The following DST variants were observed in gnomAD, a reference collection of about 807,000 sequenced individuals.
The protein encoded by DST is dystonin, also known as bullous pemphigoid antigen.
Under a neutral mutation model 875.2 loss-of-function variants are expected in DST, and 253 were observed. The ratio of observed to expected loss-of-function variants is 0.29; its 90% CI spans 0.26 to 0.32. The LOEUF (loss-of-function observed/expected upper bound fraction) is 0.32. Ranked by LOEUF, DST falls within the 10% of genes least tolerant of loss-of-function variation. DST has a pLI of 1.00. For missense variants in DST, 8,287 were observed against 9,111.6 expected (o/e 0.91, Z 3.68); for synonymous variants, 3,124 against 3,197.1 (o/e 0.98, Z 0.77).
rs1220051874 is a variant in DST at position 56,693,388 on chromosome 6, C to G, written c.1047+6265G>C. 7.2e-6 allele frequency: 8 copies of G among 1,115,928 alleles called. No homozygotes were observed. In the South Asian group the frequency reaches 1.8e-4, roughly 26 times the overall value. 69.1% of individuals were successfully genotyped at this position (1,115,928 alleles called of 1,614,324 possible). ...GACACTGTGGCTTATTTCTGGCCAC[C>G]AATCCTCTTAGACAAACATTACTGC... On this transcript the variant is annotated intron_variant, in intron 9 of 103. Coordinates refer to ENST00000680361, the MANE Select transcript of DST (RefSeq NM_001374736.1).
intron 90 of DST, among the ~76,000 whole-genome samples, chr6:56,481,848 C>T (rs1021396312): frequency 1.3e-5 from 2 of 152,098 alleles, no homozygotes; most frequent in African/African-American, 2.4e-5. Flanking sequence ...CATCAAAAGA[C>T]AGGTACACAT....
chr6:56,796,280 G>T (rs1258827812), intron 4 of DST, among the ~76,000 whole-genome samples: 1 of 152,216 alleles, frequency 6.6e-6, no homozygotes, highest in African/African-American at 2.4e-5. Context: ...AACAAGGAAA[G>T]TCATGCAAGA....
intron 31 of DST, 86 bp downstream of exon 31, chr6:56,630,159 T>G: frequency 9.7e-7 from 1 of 1,035,600 alleles, no homozygotes; most frequent in Non-Finnish European, 1.5e-6. Context: ...TCCAAGATAT[T>G]TAACACTTGA....
chr6:56,933,522 C>G (rs2127766915), intron 2 of DST, among the ~76,000 whole-genome samples: 1 of 152,238 alleles, frequency 6.6e-6, no homozygotes, highest in South Asian at 2.1e-4. Context: ...GAGCAGGCCC[C>G]AGTTAGTTCA....
chr6:56,566,772 CCTTA>C (rs1328401849), intron 55 of DST, among the ~76,000 whole-genome samples: 7 of 152,188 alleles, frequency 4.6e-5, no homozygotes, highest in Non-Finnish European at 7.4e-5. Context: ...AGAGCATCTG[CCTTA>C]CTTAAAGATT....
intron 4 of DST, among the ~76,000 whole-genome samples, chr6:56,847,111 A>G (rs551560969): frequency 6.6e-6 from 1 of 151,958 alleles, no homozygotes; most frequent in South Asian, 2.1e-4. Flanking sequence ...TGAGCCCAGG[A>G]GTTCGAGTCC....
At position 56,572,755 on chromosome 6, in the gene DST, A is replaced by C; in HGVS notation, c.13546T>G (p.Tyr4516Asp). The C allele has an allele frequency of 1.3e-6, 2 of 1,590,070 alleles. No individual in the cohort carries two copies. The highest frequency in any genetic ancestry group is 1.7e-6 in the Non-Finnish European group (2 of 1,169,686). ...PGKDVTELSQ[Y>D]MQESTSEFLE... ...TAGTAAGGGAGGCATACCTGCATAT[A>C]CTGAGACAATTCAGTAACATCTTTT... The change falls in exon 52 of 104, where the codon TAT becomes GAT. Residue 4516 changes from tyrosine to aspartate, a missense_variant. By Grantham distance (160) the Tyr-to-Asp change is radical. This residue lies in a region of DST where 1,513 missense variants were observed against 1,677.8 expected (regional missense o/e 0.90). Coordinates refer to ENST00000680361, the MANE Select transcript of DST (RefSeq NM_001374736.1).
intron 97 of DST, among the ~76,000 whole-genome samples, chr6:56,469,409 G>C (rs1329260830): frequency 6.6e-6 from 1 of 151,512 alleles, no homozygotes. Context: ...CTGTTTTGAA[G>C]AGAGTGAACC....
chr6:56,759,756 C>G (rs532935530), intron 4 of DST, among the ~76,000 whole-genome samples: 2 of 152,232 alleles, frequency 1.3e-5, no homozygotes, highest in East Asian at 3.9e-4. Context: ...ACAAAGAGTT[C>G]CAGAGGCGCG....
At chr6:56,470,572 T>C (rs950673458) in intron 95 of DST, among the ~76,000 whole-genome samples, 3 of 152,122 alleles carry the variant, frequency 2.0e-5, no homozygotes, top group South Asian at 2.1e-4. Flanking sequence ...GAATAAATTA[T>C]ATGAAATTTA....
intron 4 of DST, among the ~76,000 whole-genome samples, chr6:56,832,090 G>C (rs760605644): frequency 6.6e-6 from 1 of 152,168 alleles, no homozygotes; most frequent in South Asian, 2.1e-4. Context: ...CTTGCTTTCT[G>C]TAATTTAGAA....
At chr6:56,661,994 C>T (rs1399001043) in intron 10 of DST, among the ~76,000 whole-genome samples, 2 of 152,172 alleles carry the variant, frequency 1.3e-5, no homozygotes, top group African/African-American at 4.8e-5. Flanking sequence ...ACAGCTTGCA[C>T]ATCAAACTGA....
chr6:56,694,054 C>T (rs541199721), intron 9 of DST, among the ~76,000 whole-genome samples: 133 of 145,010 alleles, frequency 9.2e-4, no homozygotes, highest in African/African-American at 3.3e-3. Context: ...TATATATATA[C>T]ATATATATAT....
chr6:56,660,632 A>G (rs1297511995), intron 10 of DST, among the ~76,000 whole-genome samples: 1 of 151,902 alleles, frequency 6.6e-6, no homozygotes, highest in Admixed American at 6.6e-5. Flanking sequence ...AAAAAGAAAA[A>G]AAAAAAAAGG....
chr6:56,703,910 A>G (rs1218083732), intron 6 of DST, among the ~76,000 whole-genome samples, 164 bp from the exon 7 acceptor site: 2 of 151,672 alleles, frequency 1.3e-5, no homozygotes, highest in African/African-American at 2.4e-5. Flanking sequence ...AATGGGTTAG[A>G]TCATTTTTCA....
intron 61 of DST, among the ~76,000 whole-genome samples, chr6:56,538,160 A>T (rs9475716): frequency 0.73 from 109,685 of 151,014 alleles, 40,033 homozygotes; most frequent in East Asian, 0.8. Context: ...TTAAAAGAAA[A>T]TTTTTTTTTG....
chr6:56,627,900 G>A, intron 33 of DST, 99 bp downstream of exon 33: 4 of 1,133,834 alleles, frequency 3.5e-6, no homozygotes, highest in Non-Finnish European at 4.0e-6. Context: ...TTCCTCTAAA[G>A]AGTTGGTGAC....
Position 56,636,791 on chromosome 6 carries a change from T to C in DST, c.2965-139A>G, listed in dbSNP as rs540550542. ...TTTTGGCAGAATAAGACTTGGAAAT[T>C]AGGGCAGTGGCTGGGCATGGTGGCT... On this transcript the variant is annotated intron_variant, in intron 22 of 103. Transcript: ENST00000680361. The C allele has an allele frequency of 1.8e-5, 14 of 770,126 alleles. No homozygotes were observed. The East Asian group carries it at 3.8e-4, about 21-fold the overall frequency. The allele number at this position is 770,126 out of a possible 1,614,324, so 47.7% of individuals were successfully genotyped here.
At chr6:56,597,018 A>G (rs1394373366) in intron 47 of DST, among the ~76,000 whole-genome samples, 1 of 152,100 alleles carries the variant, frequency 6.6e-6, no homozygotes, top group Non-Finnish European at 1.5e-5. Flanking sequence ...TGTGGGCGGA[A>G]TGCTTGAGCC....
Sources: allele counts gnomAD v4.1 joint callset (sites outside exome capture counted in the v4.1 genomes callset), GRCh38; gene constraint gnomAD v4.1.1; regional missense constraint gnomAD v4.1.1; transcripts MANE v1.5; gene names NCBI Gene and HGNC (gene_info 2026-07-23, HGNC 2026-07-21).